Variants in ST6GALNAC3 observed in about 807,000 individuals in gnomAD.
ST6GALNAC3 encodes ST6 N-acetylgalactosaminide alpha-2,6-sialyltransferase 3.
Under a neutral mutation model 32.7 loss-of-function variants are expected in ST6GALNAC3, and 25 were observed. That is an observed-to-expected ratio of 0.76 (90% CI 0.56 to 1.07). ST6GALNAC3 has a LOEUF of 1.07. Ranked by LOEUF, ST6GALNAC3 falls within the 50% of genes least tolerant of loss-of-function variation. The probability of loss-of-function intolerance (pLI) is 0.00; values close to 1 mark genes in which losing one functional copy is unlikely to be tolerated. For missense variants in ST6GALNAC3, 355 were observed against 382.4 expected, an observed-to-expected ratio of 0.93 and a Z score of 0.60; for synonymous variants, 129 against 133.1, an observed-to-expected ratio of 0.97 and a Z score of 0.21.
intron 1 of ST6GALNAC3, among the ~76,000 whole-genome samples, chr1:76,234,602 A>T (rs2100647525): frequency 6.6e-6 from 1 of 152,064 alleles, no homozygotes; most frequent in Middle Eastern, 3.4e-3. Context: ...TTATGCCATA[A>T]CCTGGGCTCT....
At chr1:76,213,264 T>C (rs1557700998) in intron 1 of ST6GALNAC3, among the ~76,000 whole-genome samples, 1 of 152,190 alleles carries the variant, frequency 6.6e-6, no homozygotes, top group Non-Finnish European at 1.5e-5. Flanking sequence ...CTGCATTTTC[T>C]GACTTCCTTT....
chr1:76,627,596 T>C, intron 4 of ST6GALNAC3, 37 bp downstream of exon 4: 1 of 1,394,410 alleles, frequency 7.2e-7, no homozygotes, highest in Non-Finnish European at 1.0e-6. Flanking sequence ...GCAGCTCCAA[T>C]TCGGAGATCT....
chr1:76,131,540 G>A (rs145090878), intron 1 of ST6GALNAC3, among the ~76,000 whole-genome samples: 5 of 152,292 alleles, frequency 3.3e-5, no homozygotes, highest in African/African-American at 9.6e-5. Context: ...AGCTGCCACC[G>A]ACTCAGAAAA....
intron 1 of ST6GALNAC3, among the ~76,000 whole-genome samples, chr1:76,176,884 G>A (rs1433841683): frequency 4.6e-5 from 7 of 152,150 alleles, no homozygotes; most frequent in African/African-American, 1.7e-4. Flanking sequence ...ATAACAATGT[G>A]AATATATTTA....
chr1:76,149,026 C>T (rs7550790), intron 1 of ST6GALNAC3, among the ~76,000 whole-genome samples: 4 of 152,080 alleles, frequency 2.6e-5, no homozygotes, highest in Admixed American at 2.6e-4. Context: ...TATAACAATG[C>T]TTGCCTCATC....
chr1:76,298,337 G>T (rs956410098), intron 1 of ST6GALNAC3, among the ~76,000 whole-genome samples: 2 of 151,980 alleles, frequency 1.3e-5, no homozygotes, highest in African/African-American at 4.8e-5. Flanking sequence ...GAATCCTTAC[G>T]ATTGATGGGC....
chr1:76,358,069 A>G (rs1649630501), intron 2 of ST6GALNAC3, among the ~76,000 whole-genome samples: 1 of 152,126 alleles, frequency 6.6e-6, no homozygotes, highest in Non-Finnish European at 1.5e-5. Context: ...TTTTTTTAAA[A>G]AACCATTTTC....
intron 1 of ST6GALNAC3, among the ~76,000 whole-genome samples, chr1:76,245,727 T>C (rs1657220940): frequency 6.6e-6 from 1 of 152,078 alleles, no homozygotes; most frequent in South Asian, 2.1e-4. Context: ...ACTTTCCATG[T>C]AGTTGTGCAG....
chr1:76,114,162 C>A (rs1397114031), intron 1 of ST6GALNAC3, among the ~76,000 whole-genome samples: 1 of 151,898 alleles, frequency 6.6e-6, no homozygotes, highest in Non-Finnish European at 1.5e-5. Flanking sequence ...AAATTTCTAT[C>A]CTAAAACAGC....
intron 3 of ST6GALNAC3, among the ~76,000 whole-genome samples, chr1:76,623,441 A>G (rs1344478257): frequency 6.6e-6 from 1 of 151,910 alleles, no homozygotes; most frequent in East Asian, 1.9e-4. Flanking sequence ...AAATTCTCTT[A>G]TCATCCCTGT....
At chr1:76,171,320 G>A (rs1652482427) in intron 1 of ST6GALNAC3, among the ~76,000 whole-genome samples, 1 of 151,910 alleles carries the variant, frequency 6.6e-6, no homozygotes, top group African/African-American at 2.4e-5. Context: ...GCTTAATACA[G>A]AAATCCTAAA....
At chr1:76,543,873 T>G (rs577033372) in intron 3 of ST6GALNAC3, among the ~76,000 whole-genome samples, 1 of 152,298 alleles carries the variant, frequency 6.6e-6, no homozygotes, top group African/African-American at 2.4e-5. Flanking sequence ...TACAGAGTGG[T>G]CAACTTCTTA....
At chr1:76,625,699 G>A (rs1208613466) in intron 3 of ST6GALNAC3, among the ~76,000 whole-genome samples, 2 of 151,848 alleles carry the variant, frequency 1.3e-5, no homozygotes, top group Non-Finnish European at 2.9e-5. Flanking sequence ...ATTGACTGCA[G>A]GTTAAGTTGT....
At chr1:76,271,053 T>G (rs937539987) in intron 1 of ST6GALNAC3, among the ~76,000 whole-genome samples, 1 of 152,210 alleles carries the variant, frequency 6.6e-6, no homozygotes, top group Non-Finnish European at 1.5e-5. Context: ...GGGCCTGCAT[T>G]TGGGACTGGC....
intron 1 of ST6GALNAC3, among the ~76,000 whole-genome samples, chr1:76,182,584 T>C (rs425877): frequency 0.93 from 142,135 of 152,214 alleles, 67,147 homozygotes; most frequent in East Asian, 1. Flanking sequence ...TCATTTTAGT[T>C]ACTCAAATGA....
intron 1 of ST6GALNAC3, among the ~76,000 whole-genome samples, chr1:76,139,899 T>G (rs1004797576): frequency 6.6e-5 from 10 of 152,330 alleles, no homozygotes; most frequent in Middle Eastern, 3.4e-3. Flanking sequence ...TAGAATAGGA[T>G]GGGGATGACA....
At chr1:76,475,723 T>C (rs1659305608) in intron 3 of ST6GALNAC3, among the ~76,000 whole-genome samples, 1 of 152,178 alleles carries the variant, frequency 6.6e-6, no homozygotes, top group Non-Finnish European at 1.5e-5. Flanking sequence ...TATTCTACTT[T>C]TATCTCTGGG....
intron 1 of ST6GALNAC3, among the ~76,000 whole-genome samples, chr1:76,226,345 C>T (rs1656069330): frequency 6.6e-6 from 1 of 152,190 alleles, no homozygotes; most frequent in East Asian, 1.9e-4. Flanking sequence ...CCTGTTTGCT[C>T]TCCAAGGGAG....
chr1:76,273,763 A>G (rs1453985851), intron 1 of ST6GALNAC3, among the ~76,000 whole-genome samples: 3 of 152,342 alleles, frequency 2.0e-5, no homozygotes, highest in African/African-American at 4.8e-5. Flanking sequence ...TCATCAATCC[A>G]TGAATCTCAC....
Sources: gnomAD v4.1 joint callset for allele counts (sites outside exome capture counted in the v4.1 genomes callset) on GRCh38, gnomAD v4.1.1 for gene constraint, MANE v1.5 for transcripts, NCBI Gene and HGNC (gene_info 2026-07-23, HGNC 2026-07-21) for gene names.